Variants in NXPH2 observed in about 807,000 individuals in gnomAD.
The protein encoded by NXPH2 is neurexophilin-2.
Under a neutral mutation model 19.8 loss-of-function variants are expected in NXPH2, and 5 were observed. That is an observed-to-expected ratio of 0.25 (90% CI 0.13 to 0.53). NXPH2 has a LOEUF of 0.53. Among genes scored for constraint, NXPH2 ranks in the 20% least tolerant of loss-of-function variants. The pLI is 0.96. For synonymous variants in NXPH2, 154 were observed against 127.4 expected (o/e 1.21, Z -1.41); for missense variants, 289 against 322.8 (o/e 0.90, Z 0.80).
At chr2:138,759,521 G>A (rs1358597311) in intron 1 of NXPH2, among the ~76,000 whole-genome samples, 1 of 151,974 alleles carries the variant, frequency 6.6e-6, no homozygotes, top group Non-Finnish European at 1.5e-5. Flanking sequence ...AATGGGCAGA[G>A]TACCAAGGAC....
chr2:138,671,432 T>C lies in NXPH2; in HGVS notation c.285A>G (p.Ala95=), dbSNP rs779534103. 19 of 1,613,918 alleles carry C rather than the reference T, an allele frequency of 1.2e-5. No homozygotes were observed. The highest frequency in any genetic ancestry group is 1.6e-5 in the Non-Finnish European group (19 of 1,179,884). The change falls in exon 2 of 2, where the codon GCA becomes GCG. Residue 95 remains alanine (A), a synonymous_variant. Coordinates refer to ENST00000272641, the MANE Select transcript of NXPH2 (RefSeq NM_007226.3). ...ANITEIQEPL[A]RTKRRPIVKT... is the part of the protein sequence containing the mutation. ...TTACTATTGGCCTCCGTTTAGTTCT[T>C]GCCAATGGCTCCTGAATCTCCGTGA...
At chr2:138,746,631 A>G (rs1041449416) in intron 1 of NXPH2, among the ~76,000 whole-genome samples, 12 of 152,236 alleles carry the variant, frequency 7.9e-5, no homozygotes, top group African/African-American at 2.9e-4. Flanking sequence ...TGTAAATGAA[A>G]TGTCAAATTG....
intron 1 of NXPH2, among the ~76,000 whole-genome samples, chr2:138,762,449 A>G (rs899619573): frequency 5.3e-5 from 8 of 152,234 alleles, no homozygotes; most frequent in South Asian, 2.1e-4. Flanking sequence ...TCTTGGGCAC[A>G]GTTGTTTTGG....
chr2:138,716,483 T>C (rs983778923), intron 1 of NXPH2, among the ~76,000 whole-genome samples: 26 of 152,214 alleles, frequency 1.7e-4, no homozygotes, highest in Admixed American at 1.4e-3. Context: ...GCTGGCACCT[T>C]GATCTCGAAC....
At chr2:138,732,356 G>A (rs1461210732) in intron 1 of NXPH2, among the ~76,000 whole-genome samples, 1 of 152,238 alleles carries the variant, frequency 6.6e-6, no homozygotes, top group Non-Finnish European at 1.5e-5. Flanking sequence ...AGCACTGGAA[G>A]AGTAGGAGAT....
intron 1 of NXPH2, among the ~76,000 whole-genome samples, chr2:138,748,416 C>T (rs144847221): frequency 3.9e-5 from 6 of 152,170 alleles, no homozygotes; most frequent in Non-Finnish European, 7.3e-5. Context: ...AACAAGGCCA[C>T]TTTCTAGGCT....
intron 1 of NXPH2, among the ~76,000 whole-genome samples, chr2:138,737,218 A>T (rs1681563534): frequency 6.6e-6 from 1 of 152,198 alleles, no homozygotes; most frequent in South Asian, 2.1e-4. Flanking sequence ...CTGCTGATAA[A>T]GACATATCCA....
Position 138,704,178 on chromosome 2 carries a change from G to A in NXPH2, c.52-32513C>T, listed in dbSNP as rs75131103. Among the ~76,000 whole-genome samples the A allele has an allele frequency of 4.6e-5, 7 of 152,276 alleles. No homozygotes were observed. In the East Asian group the frequency reaches 1.4e-3, roughly 29 times the overall value. ...TTTCCTATGTGCTTTGGGAGCACCC[G>A]AACTATATGTCAATGTTCCTGACTA... On this transcript the variant is annotated intron_variant, in intron 1 of 1. Transcript: ENST00000272641.
intron 1 of NXPH2, among the ~76,000 whole-genome samples, chr2:138,746,364 C>T (rs1033104671): frequency 2.0e-5 from 3 of 152,214 alleles, no homozygotes; most frequent in Admixed American, 6.5e-5. Context: ...ACTTTGCCTC[C>T]AGGCACCTGG....
At chr2:138,718,733 A>T (rs1471012551) in intron 1 of NXPH2, among the ~76,000 whole-genome samples, 1 of 152,218 alleles carries the variant, frequency 6.6e-6, no homozygotes, top group East Asian at 1.9e-4. Flanking sequence ...TTCTCTATAA[A>T]TCCAATAGCA....
At chr2:138,773,736 G>A (rs1364124902) in intron 1 of NXPH2, among the ~76,000 whole-genome samples, 2 of 152,102 alleles carry the variant, frequency 1.3e-5, no homozygotes, top group Admixed American at 1.3e-4. Flanking sequence ...TGCATGAAAA[G>A]ACTTACACAA....
chr2:138,716,763 A>G (rs756269789), intron 1 of NXPH2, among the ~76,000 whole-genome samples: 3 of 152,214 alleles, frequency 2.0e-5, no homozygotes, highest in Non-Finnish European at 4.4e-5. Context: ...TGGAAAAAAT[A>G]CTGGGTTTAA....
intron 1 of NXPH2, among the ~76,000 whole-genome samples, chr2:138,775,474 T>A (rs1682246640): frequency 6.6e-6 from 1 of 152,066 alleles, no homozygotes. Context: ...ATTAATCAAA[T>A]CACAGCTAAT....
chr2:138,705,167 T>C (rs975227506), intron 1 of NXPH2, among the ~76,000 whole-genome samples: 4 of 152,054 alleles, frequency 2.6e-5, no homozygotes, highest in African/African-American at 9.7e-5. Context: ...TCTCGATACG[T>C]TGCTCAGGCT....
At chr2:138,682,383 C>T (rs1049140542) in intron 1 of NXPH2, among the ~76,000 whole-genome samples, 5 of 151,996 alleles carry the variant, frequency 3.3e-5, no homozygotes, top group Non-Finnish European at 7.4e-5. Context: ...TATGGCTTGC[C>T]CTAGAGTCAT....
At chr2:138,671,743 G>A in intron 1 of NXPH2, 78 bp from the exon 2 acceptor site, 3 of 1,390,800 alleles carry the variant, frequency 2.2e-6, no homozygotes, top group Non-Finnish European at 2.9e-6. Flanking sequence ...CAAAGCGCAA[G>A]GGAAATTATT....
rs117633009 is a variant in NXPH2, at chr2:138,670,587, G to A, written c.*335C>T. On this transcript the variant is annotated 3_prime_UTR_variant, in exon 2 of 2. Coordinates refer to ENST00000272641, the MANE Select transcript of NXPH2 (RefSeq NM_007226.3). Reference sequence around the variant, plus strand: ...CAGGCTCATTTCAAGAGCAATGTTTGTCACATGCATAATTTTGTTCCTTCT... The same window carrying A: ...CAGGCTCATTTCAAGAGCAATGTTTATCACATGCATAATTTTGTTCCTTCT... Among the ~76,000 whole-genome samples, 1 of 152,260 alleles carries A rather than the reference G, an allele frequency of 6.6e-6. No homozygotes were observed. Among genetic ancestry groups the A allele is most frequent in the East Asian group, 1.9e-4 (1 of 5,172 alleles).
At chr2:138,730,403 T>C (rs1446166454) in intron 1 of NXPH2, among the ~76,000 whole-genome samples, 2 of 152,228 alleles carry the variant, frequency 1.3e-5, no homozygotes, top group East Asian at 3.9e-4. Flanking sequence ...TATAGTCACA[T>C]TTTGAGGTCC....
intron 1 of NXPH2, among the ~76,000 whole-genome samples, chr2:138,700,299 T>C (rs1482423882): frequency 2.0e-5 from 3 of 152,170 alleles, no homozygotes; most frequent in Non-Finnish European, 4.4e-5. Context: ...TTTAGGAAAA[T>C]ACATATTTAG....
Sources: allele counts gnomAD v4.1 joint callset (sites outside exome capture counted in the v4.1 genomes callset), GRCh38; gene constraint gnomAD v4.1.1; transcripts MANE v1.5; gene names NCBI Gene and HGNC (gene_info 2026-07-23, HGNC 2026-07-21).